Variants in CFD observed in about 807,000 individuals in gnomAD.
CFD encodes the protein C3 convertase activator.
In CFD, 24 loss-of-function variants were observed where a neutral mutation model predicts 21.1. That is an observed-to-expected ratio of 1.14 (90% CI 0.82 to 1.60). The LOEUF (loss-of-function observed/expected upper bound fraction) is 1.60, where lower values mean the gene tolerates loss of function less well. CFD is among the 40% of genes most tolerant of loss of function. CFD has a pLI of 0.00. For synonymous variants in CFD, 242 were observed against 175.9 expected (o/e 1.38, Z -2.97); for missense variants, 535 against 383.3 (o/e 1.40, Z -3.31).
rs1284547784 is a variant in CFD at position 860,713 on chromosome 19, G to A, written c.152G>A (p.Cys51Tyr). 1.3e-6 allele frequency: 2 copies of A among 1,561,376 alleles called. No homozygotes were observed. Residue 51 changes from cysteine (C) to tyrosine (Y), a missense_variant, in exon 2 of 5, where the codon TGC becomes TAC. Coordinates refer to ENST00000327726, the MANE Select transcript of CFD (RefSeq NM_001928.4). ...ASVQLNGAHL[C>Y]GGVLVAEQWV... Reference sequence around the variant, plus strand: ...GTGCAGCTGAACGGCGCGCACCTGTGCGGCGGCGTCCTGGTGGCGGAGCAG... The same window carrying A: ...GTGCAGCTGAACGGCGCGCACCTGTACGGCGGCGTCCTGGTGGCGGAGCAG...
rs745520765 is a variant in CFD at position 861,826 on chromosome 19, GCCCGGACAGC to G, written c.487_496del (p.Pro163CysfsTer28). 8.7e-6 allele frequency: 14 copies of G among 1,601,340 alleles called. No homozygotes were observed. Among genetic ancestry groups the G allele is most frequent in the Non-Finnish European group, 1.2e-5 (14 of 1,178,860 alleles). ...GGCATAGTCAACCACGCGGGCCGCC[GCCCGGACAGC>G]CTGCAGCACGTGCTCTTGCCAGTGC... is the stretch of plus-strand genomic sequence containing the variant. On this transcript the variant is annotated frameshift_variant, in exon 4 of 5. Coordinates refer to ENST00000327726, the MANE Select transcript of CFD (RefSeq NM_001928.4). LOFTEE classifies it high-confidence loss of function.
chr19:860,574 G>T, intron 1 of CFD, 43 bp from the exon 2 acceptor site: 1 of 1,385,554 alleles, frequency 7.2e-7, no homozygotes, highest in African/African-American at 1.5e-5. Context: ...TCGCCCGGGG[G>T]AGGAGTCCAC....
At chr19:860,559 C>G (rs2035771569) in intron 1 of CFD, 58 bp from the exon 2 acceptor site, 1 of 1,360,522 alleles carries the variant, frequency 7.4e-7, no homozygotes, top group East Asian at 3.1e-5. Context: ...TCCCGTCAGG[C>G]AGCCTCGCCC....
At chr19:861,250 C>G (rs1421860496) in intron 3 of CFD, among the ~76,000 whole-genome samples, 1 of 106,418 alleles carries the variant, frequency 9.4e-6, no homozygotes, top group Non-Finnish European at 2.0e-5. Flanking sequence ...GCATGGGGAC[C>G]CCGCCCCACA....
At chr19:862,167 T>C (rs1269006293) in intron 4 of CFD, among the ~76,000 whole-genome samples, 1 of 15,004 alleles carries the variant, frequency 6.7e-5, no homozygotes, top group Non-Finnish European at 1.2e-4. Context: ...GGTGGGGCCT[T>C]GGGGGCGAGG....
chr19:860,271 A>T (rs2035766017), intron 1 of CFD, among the ~76,000 whole-genome samples: 1 of 151,626 alleles, frequency 6.6e-6, no homozygotes, highest in African/African-American at 2.4e-5. Context: ...GCTCACTGCA[A>T]ACTCCGACTC....
intron 3 of CFD, 59 bp from the exon 4 acceptor site, chr19:861,640 G>A: frequency 6.5e-7 from 1 of 1,541,046 alleles, no homozygotes; most frequent in Non-Finnish European, 8.7e-7. Flanking sequence ...GAGCCTAGCG[G>A]CATTCTCCCC....
chr19:862,038 A>C, intron 4 of CFD, 82 bp downstream of exon 4: 1 of 1,330,884 alleles, frequency 7.5e-7, no homozygotes, highest in Non-Finnish European at 9.8e-7. Flanking sequence ...GCGGGGGGCA[A>C]GTAGGAACAG....
Position 859,729 on chromosome 19 carries a change from G to T in CFD, c.40G>T (p.Gly14Ter), listed in dbSNP as rs918406652. The stretch of plus-strand genomic sequence containing the variant: ...GCGCCTGGCAGTTCTGGTCCTCCTA[G>T]GAGCGGCCGCCTGCGGTGAGGAGGC... ...WERLAVLVLL[G>*]AAACAAPPRG... The change falls in exon 1 of 5, where the codon GGA (glycine) becomes TGA (stop). Residue 14 changes from glycine (G) to a stop codon, truncating the protein, a stop_gained. Transcript: ENST00000327726. LOFTEE classifies it high-confidence loss of function. 2 of 1,573,202 alleles carry T rather than the reference G, an allele frequency of 1.3e-6. No individual in the cohort carries two copies. The highest frequency in any genetic ancestry group is 1.3e-5 in the African/African-American group (1 of 74,196).
intron 1 of CFD, 25 bp downstream of exon 1, chr19:859,769 AG>A (rs1361845382): frequency 1.3e-6 from 2 of 1,548,176 alleles, no homozygotes; most frequent in Non-Finnish European, 1.8e-6. Context: ...GCCTGGGGTG[AG>A]GGACAGGGCT....
intron 4 of CFD, 134 bp from the exon 5 acceptor site, chr19:862,958 T>G: frequency 2.3e-6 from 2 of 883,774 alleles, no homozygotes; most frequent in South Asian, 3.5e-5. Context: ...GGCTATTGAC[T>G]AGTGAAGACC....
At chr19:862,231 C>T (rs1386236665) in intron 4 of CFD, among the ~76,000 whole-genome samples, 2 of 60,632 alleles carry the variant, frequency 3.3e-5, no homozygotes, top group Non-Finnish European at 6.3e-5. Context: ...AGGGTCAGGG[C>T]GGGCAGAAAG....
At position 860,601 on chromosome 19, in the gene CFD, G is replaced by A. The variant is rs992432031; in HGVS notation, c.56-16G>A. On this transcript the variant is annotated splice_polypyrimidine_tract_variant and intron_variant, in intron 1 of 4. Coordinates refer to ENST00000327726, the MANE Select transcript of CFD (RefSeq NM_001928.4). ...GGAGTCCACCCCGCGGCCCTCACGCGCCCGCCCACCCACAGCGGCGCCGCC... is the reference window on the plus strand; with the variant it reads ...GGAGTCCACCCCGCGGCCCTCACGCACCCGCCCACCCACAGCGGCGCCGCC... 1 of 1,417,284 alleles carries A rather than the reference G, an allele frequency of 7.1e-7. No individual in the cohort carries two copies. Among genetic ancestry groups the A allele is most frequent in the Non-Finnish European group, 9.2e-7 (1 of 1,092,792 alleles). The allele number at this position is 1,417,284 out of a possible 1,614,324, so 87.8% of individuals were successfully genotyped here.
intron 4 of CFD, among the ~76,000 whole-genome samples, chr19:862,761 C>T (rs953447148): frequency 1.3e-5 from 2 of 149,472 alleles, no homozygotes; most frequent in African/African-American, 2.5e-5. Flanking sequence ...GTGGGATCCA[C>T]GGCAAGTCAA....
In CFD at chr19:860,943, C is replaced by T; in HGVS notation, c.295C>T (p.Arg99Cys). The change falls in exon 3 of 5, where the codon CGC becomes TGC. Residue 99 changes from arginine (R) to cysteine (C), a missense_variant. Coordinates refer to ENST00000327726, the MANE Select transcript of CFD (RefSeq NM_001928.4). ...CTCCAAGCGCCTGTACGACGTGCTC[C>T]GCGCAGTGCCCCACCCGGACAGCCA... ...EPSKRLYDVL[R>C]AVPHPDSQPD... is the part of the protein sequence containing the mutation. 2 of 1,601,190 alleles carry T rather than the reference C, an allele frequency of 1.2e-6. No homozygotes were observed. Among genetic ancestry groups the T allele is most frequent in the Non-Finnish European group, 1.7e-6 (2 of 1,179,388 alleles).
In CFD at chr19:863,331, A is replaced by AC; in HGVS notation, c.*95dup. ...TGCATCTGGTTGGTCTTTATTGAGCACCTACTATATGCAGAAGGGGAGGCC... is the reference window on the plus strand; with the variant it reads ...TGCATCTGGTTGGTCTTTATTGAGCACCCTACTATATGCAGAAGGGGAGGCC... On this transcript the variant is annotated 3_prime_UTR_variant, in exon 5 of 5. Transcript: ENST00000327726. 1 of 1,451,756 alleles carries AC rather than the reference A, an allele frequency of 6.9e-7. No homozygotes were observed. Among genetic ancestry groups the AC allele is most frequent in the Non-Finnish European group, 9.3e-7 (1 of 1,070,628 alleles). 89.9% of individuals were successfully genotyped at this position (1,451,756 alleles called of 1,614,324 possible).
intron 1 of CFD, among the ~76,000 whole-genome samples, chr19:860,197 C>CT (rs564736651): frequency 0.022 from 3,263 of 146,020 alleles, 46 homozygotes; most frequent in Middle Eastern, 0.11. Context: ...TTTTTTCTTT[C>CT]TTTTTTTTTT....
chr19:863,203 A>T lies in CFD; in HGVS notation c.727A>T (p.Ser243Cys), dbSNP rs1252919867. ...GCCCGGGATCTACACCCGCGTGGCG[A>T]GCTATGCGGCCTGGATCGACAGCGT... ...KKPGIYTRVA[S>C]YAAWIDSVLA The change falls in exon 5 of 5, where the codon AGC (serine) becomes TGC (cysteine). Residue 243 changes from serine (S) to cysteine (C), a missense_variant. By Grantham distance (112) the Ser-to-Cys change is moderately radical. Coordinates refer to ENST00000327726, the MANE Select transcript of CFD (RefSeq NM_001928.4). The T allele has an allele frequency of 9.1e-6, 14 of 1,541,406 alleles. No homozygotes were observed. In the South Asian group the frequency reaches 1.4e-4, roughly 16 times the overall value.
In CFD at chr19:861,968, GGCCTGGGAGGAGACGCGGGGCCT is replaced by G; in HGVS notation, c.615+15_615+37del. ...GGGACAGCTGCAAGGTGAGCCTTCA[GGCCTGGGAGGAGACGCGGGGCCT>G]GCAGGCCCCGGGAAGGGCCTGCAGA... On this transcript the variant is annotated intron_variant, in intron 4 of 4. Transcript: ENST00000327726. The G allele has an allele frequency of 6.5e-7, 1 of 1,538,104 alleles. No homozygotes were observed. The highest frequency in any genetic ancestry group is 1.2e-5 in the South Asian group (1 of 84,536).
Sources: allele counts gnomAD v4.1 joint callset (sites outside exome capture counted in the v4.1 genomes callset), GRCh38; gene constraint gnomAD v4.1.1; transcripts MANE v1.5; gene names NCBI Gene and HGNC (gene_info 2026-07-23, HGNC 2026-07-21).